The following RIMKLB variants were observed in gnomAD, a reference collection of about 807,000 sequenced individuals.
RIMKLB encodes the protein beta-citrylglutamate synthase B.
In RIMKLB, 7 loss-of-function variants were observed where a neutral mutation model predicts 32.0. That is an observed-to-expected ratio of 0.22 (90% CI 0.12 to 0.41). The LOEUF is 0.41. RIMKLB is among the 10% of genes least tolerant of loss of function. RIMKLB has a pLI of 1.00. For missense variants in RIMKLB, 289 were observed against 498.7 expected, an observed-to-expected ratio of 0.58 and a Z score of 4.00; for synonymous variants, 172 against 185.1, an observed-to-expected ratio of 0.93 and a Z score of 0.57.
chr12:8,770,596 G>T (rs927731115), intron 5 of RIMKLB, among the ~76,000 whole-genome samples: 2 of 151,996 alleles, frequency 1.3e-5, no homozygotes, highest in African/African-American at 4.8e-5. Flanking sequence ...TTTTCCTGGT[G>T]GGCTATCAGA....
At chr12:8,715,228 C>CCCTTTTTTTTTTTTTTTTTT (rs1445737752) in intron 2 of RIMKLB, among the ~76,000 whole-genome samples, 1 of 123,762 alleles carries the variant, frequency 8.1e-6, no homozygotes, top group African/African-American at 3.3e-5. Flanking sequence ...TGCTCTTGTT[C>CCCTTTTTTTTTTTTTTTTTT]TTTTTTTTTT....
chr12:8,768,004 G>A (rs774312207), intron 5 of RIMKLB, among the ~76,000 whole-genome samples: 67 of 152,274 alleles, frequency 4.4e-4, no homozygotes, highest in African/African-American at 1.3e-3. Flanking sequence ...CCAAGATGGC[G>A]GCAGGGCCAC....
At chr12:8,710,462 C>T (rs1228001202) in intron 1 of RIMKLB, among the ~76,000 whole-genome samples, 1 of 151,912 alleles carries the variant, frequency 6.6e-6, no homozygotes, top group Non-Finnish European at 1.5e-5. Context: ...CATGTACTGC[C>T]ACACCTGGCT....
At chr12:8,705,044 GGTAA>G (rs1318922255) in intron 1 of RIMKLB, among the ~76,000 whole-genome samples, 1 of 151,422 alleles carries the variant, frequency 6.6e-6, no homozygotes, top group Non-Finnish European at 1.5e-5. Context: ...TTACTAAATA[GGTAA>G]GTGTTTGGGG....
chr12:8,710,838 CATT>C (rs1944314037), intron 1 of RIMKLB, among the ~76,000 whole-genome samples: 1 of 151,924 alleles, frequency 6.6e-6, no homozygotes, highest in Admixed American at 6.6e-5. Context: ...TGAAATTAAT[CATT>C]GATTGGCAAG....
intron 2 of RIMKLB, among the ~76,000 whole-genome samples, chr12:8,739,109 G>T (rs1947269172): frequency 6.6e-6 from 1 of 152,170 alleles, no homozygotes; most frequent in African/African-American, 2.4e-5. Flanking sequence ...AGTTTGGGCT[G>T]CTATAACAAA....
intron 5 of RIMKLB, among the ~76,000 whole-genome samples, chr12:8,757,697 T>C (rs1201761380): frequency 6.6e-6 from 1 of 152,170 alleles, no homozygotes; most frequent in Non-Finnish European, 1.5e-5. Flanking sequence ...CTAGTTATTA[T>C]TTTATGTTAT....
intron 2 of RIMKLB, among the ~76,000 whole-genome samples, chr12:8,719,930 TGGC>T (rs111832428): frequency 6.6e-6 from 1 of 152,350 alleles, no homozygotes; most frequent in Middle Eastern, 3.4e-3. Flanking sequence ...ACAAGGAGTC[TGGC>T]CTCAAGGTAG....
At chr12:8,733,989 G>A (rs1173163277) in intron 2 of RIMKLB, among the ~76,000 whole-genome samples, 6 of 152,164 alleles carry the variant, frequency 3.9e-5, no homozygotes, top group Non-Finnish European at 8.8e-5. Flanking sequence ...AGTGTTTGAG[G>A]AGGACACTGT....
intron 2 of RIMKLB, 168 bp downstream of exon 2, chr12:8,714,209 ATTAAC>A (rs1944613868): frequency 5.4e-6 from 3 of 550,960 alleles, no homozygotes; most frequent in Non-Finnish European, 9.5e-6. Flanking sequence ...ACTAATATTT[ATTAAC>A]TTTATTAGGA....
At position 8,715,923 on chromosome 12, in the gene RIMKLB, T is replaced by C. The variant is rs748086346; in HGVS notation, c.175+1882T>C. Among the ~76,000 whole-genome samples, 4 of 152,348 alleles carry C rather than the reference T, an allele frequency of 2.6e-5. No homozygotes were observed. In the South Asian group the frequency reaches 6.2e-4, roughly 24 times the overall value. On this transcript the variant is annotated intron_variant, in intron 2 of 5. Transcript: ENST00000535829. ...CTAAAACTCAATATTTGTGACATGCTTGTTCAACTTACACAGCTTTTTCAG... is the reference window on the plus strand; with the variant it reads ...CTAAAACTCAATATTTGTGACATGCCTGTTCAACTTACACAGCTTTTTCAG...
At chr12:8,772,468 A>G (rs1355738787) in intron 5 of RIMKLB, among the ~76,000 whole-genome samples, 1 of 152,238 alleles carries the variant, frequency 6.6e-6, no homozygotes, top group African/African-American at 2.4e-5. Flanking sequence ...GTAGTATTCT[A>G]CATGGCCTCA....
At chr12:8,719,801 A>G (rs867156146) in intron 2 of RIMKLB, among the ~76,000 whole-genome samples, 1 of 152,252 alleles carries the variant, frequency 6.6e-6, no homozygotes, top group African/African-American at 2.4e-5. Context: ...AAGTAAAAAT[A>G]CAAAATTGCA....
chr12:8,739,491 T>C (rs1335030172), intron 2 of RIMKLB, among the ~76,000 whole-genome samples: 2 of 152,074 alleles, frequency 1.3e-5, no homozygotes, highest in Non-Finnish European at 2.9e-5. Flanking sequence ...CCATCTCTTT[T>C]CTTTTTTTGA....
At chr12:8,711,053 C>G (rs373835346) in intron 1 of RIMKLB, among the ~76,000 whole-genome samples, 1 of 151,996 alleles carries the variant, frequency 6.6e-6, no homozygotes, top group East Asian at 1.9e-4. Flanking sequence ...TGGCAAAACC[C>G]CATATCTACT....
chr12:8,680,654 G>A (rs2136516172), upstream of RIMKLB, among the ~76,000 whole-genome samples: 1 of 152,270 alleles, frequency 6.6e-6, no homozygotes, highest in Middle Eastern at 3.4e-3. Context: ...CCGGGGGTTT[G>A]GATGGGGACC....
Position 8,773,573 on chromosome 12 carries a change from C to T in RIMKLB, c.950C>T (p.Ser317Phe), listed in dbSNP as rs1950563179. 1.2e-6 allele frequency: 2 copies of T among 1,614,136 alleles called. No homozygotes were observed. The highest frequency in any genetic ancestry group is 1.3e-5 in the African/African-American group (1 of 74,952). The stretch of plus-strand genomic sequence containing the variant: ...TCTGGCCGGCTCACCCGGCGTATGT[C>T]CCTGCTCTCCGTGGTGTCCACTGCC... ...LPSGRLTRRM[S>F]LLSVVSTASE... Residue 317 changes from serine to phenylalanine, a missense_variant, in exon 6 of 6, where the codon TCC (serine) becomes TTC (phenylalanine). Ser to Phe is a radical substitution (Grantham distance 155). Coordinates refer to ENST00000535829, the MANE Select transcript of RIMKLB (RefSeq NM_001297776.2).
At chr12:8,689,475 T>G (rs1942670333) in intron 1 of RIMKLB, among the ~76,000 whole-genome samples, 1 of 152,258 alleles carries the variant, frequency 6.6e-6, no homozygotes, top group South Asian at 2.1e-4. Flanking sequence ...ACCAAAATAA[T>G]TAATAGAAAT....
At position 8,713,965 on chromosome 12, in the gene RIMKLB, A is replaced by G. The variant is rs1944583934; in HGVS notation, c.99A>G (p.Lys33=). 2.5e-6 allele frequency: 4 copies of G among 1,613,984 alleles called. No homozygotes were observed. The highest frequency in any genetic ancestry group is 1.6e-4 in the Middle Eastern group (1 of 6,082). Residue 33 remains lysine, a synonymous_variant, in exon 2 of 6, where the codon AAA becomes AAG. Transcript: ENST00000535829. ...QKEILRALKA[K]CCEEELDFRA... ...AGATTTTACGAGCATTGAAGGCCAA[A>G]TGTTGTGAGGAGGAACTGGACTTTA...
Sources: allele counts gnomAD v4.1 joint callset (sites outside exome capture counted in the v4.1 genomes callset), GRCh38; gene constraint gnomAD v4.1.1; transcripts MANE v1.5; gene names NCBI Gene and HGNC (gene_info 2026-07-23, HGNC 2026-07-21).